MAPDA: variants seen among roughly 807,000 people sequenced by gnomAD.
The protein encoded by MAPDA is N6,N6-dimethyl-AMP deaminase.
chr15:43,331,345 A>T, the MAPDA span, among the ~76,000 whole-genome samples: 1 of 152,260 alleles, frequency 6.6e-6, no homozygotes, highest in African/African-American at 2.4e-5. Flanking sequence ...GAGTAAATCC[A>T]GGTTAGACTT....
At chr15:43,330,359 C>A in the MAPDA span, 1 of 1,604,350 alleles carries the variant, frequency 6.2e-7, no homozygotes, top group Non-Finnish European at 8.5e-7. Context: ...GCGCGCCGCG[C>A]CCGGAACCAG....
the MAPDA span, among the ~76,000 whole-genome samples, chr15:43,345,369 A>AAAAAAAAAAG: frequency 2.1e-5 from 3 of 145,024 alleles, no homozygotes; most frequent in Admixed American, 6.9e-5. Context: ...AAAAAAAAAA[A>AAAAAAAAAAG]AAATAGGACA....
chr15:43,350,635 C>T, the MAPDA span, among the ~76,000 whole-genome samples: 19 of 152,234 alleles, frequency 1.2e-4, no homozygotes, highest in African/African-American at 4.6e-4. Context: ...TAATTCTCTG[C>T]TTTTTTCATC....
chr15:43,335,145 A>G, the MAPDA span: 2 of 1,613,992 alleles, frequency 1.2e-6, no homozygotes, highest in African/African-American at 2.7e-5. Flanking sequence ...TGCAAGACAG[A>G]CTTCTATTCT....
the MAPDA span, among the ~76,000 whole-genome samples, chr15:43,345,245 TC>T: frequency 1.3e-5 from 2 of 151,198 alleles, no homozygotes; most frequent in African/African-American, 4.9e-5. Flanking sequence ...CCCCAGCTAC[TC>T]GGGTGACTGA....
At chr15:43,339,956 A>G in the MAPDA span, among the ~76,000 whole-genome samples, 3 of 152,172 alleles carry the variant, frequency 2.0e-5, no homozygotes, top group Non-Finnish European at 4.4e-5. Context: ...TCTCTATTTT[A>G]TCAATCTGCT....
the MAPDA span, chr15:43,330,686 G>C: frequency 1.9e-6 from 1 of 526,610 alleles, no homozygotes; most frequent in Non-Finnish European, 3.2e-6. Flanking sequence ...CCAGTGCTAA[G>C]TTCGCTTGCG....
the MAPDA span, among the ~76,000 whole-genome samples, chr15:43,350,668 A>G: frequency 2.6e-5 from 4 of 152,058 alleles, no homozygotes; most frequent in Non-Finnish European, 5.9e-5. Flanking sequence ...TTTCCTCTCT[A>G]TTTTGGTCAA....
the MAPDA span, chr15:43,331,951 G>A: frequency 6.6e-6 from 1 of 152,252 alleles, no homozygotes; most frequent in South Asian, 2.1e-4. Flanking sequence ...AAACCAGCTA[G>A]TGGAGAGGGA....
At chr15:43,337,505 T>C in the MAPDA span, among the ~76,000 whole-genome samples, 3 of 152,174 alleles carry the variant, frequency 2.0e-5, no homozygotes, top group African/African-American at 7.2e-5. Context: ...TCCATGATAC[T>C]AGAGTCTGAC....
the MAPDA span, among the ~76,000 whole-genome samples, chr15:43,345,179 T>C: frequency 0.28 from 42,217 of 151,526 alleles, 9,705 homozygotes; most frequent in African/African-American, 0.63. Context: ...ACGGTGAAAC[T>C]CCGTCTCTAC....
the MAPDA span, among the ~76,000 whole-genome samples, chr15:43,347,995 C>G: frequency 6.6e-6 from 1 of 152,168 alleles, no homozygotes; most frequent in South Asian, 2.1e-4. Flanking sequence ...AACCATTGGT[C>G]ATTATAAGGG....
At chr15:43,335,635 C>A in the MAPDA span, 1 of 1,509,498 alleles carries the variant, frequency 6.6e-7, no homozygotes. Context: ...ACATTAAGTA[C>A]TTGGTAAGAT....
the MAPDA span, among the ~76,000 whole-genome samples, chr15:43,334,633 T>TTTTATATATATATATATATATA: frequency 4.6e-5 from 3 of 65,172 alleles, no homozygotes; most frequent in Non-Finnish European, 1.4e-4. Flanking sequence ...CTCAAAAAAA[T>TTTTATATATATATATATATATA]TATATATATA....
At chr15:43,335,790 C>T in the MAPDA span, 1 of 1,613,818 alleles carries the variant, frequency 6.2e-7, no homozygotes. Context: ...GATCAGATGA[C>T]TGTGATTGAC....
the MAPDA span, chr15:43,335,310 G>A: frequency 1.3e-6 from 1 of 782,698 alleles, no homozygotes; most frequent in Admixed American, 2.5e-5. Flanking sequence ...CAAGGCGGGT[G>A]GATTCACCTG....
At chr15:43,336,637 T>G in the MAPDA span, 1 of 1,576,220 alleles carries the variant, frequency 6.3e-7, no homozygotes, top group Non-Finnish European at 8.6e-7. Flanking sequence ...TGTTTCCAGA[T>G]GTTTCAAACT....
chr15:43,351,394 C>T, the MAPDA span: 1 of 318,920 alleles, frequency 3.1e-6, no homozygotes, highest in Non-Finnish European at 5.7e-6. Flanking sequence ...TCTGGTTTGG[C>T]TCTCTAGCAA....
chr15:43,335,866 C>G, the MAPDA span: 1 of 1,585,710 alleles, frequency 6.3e-7, no homozygotes, highest in South Asian at 1.2e-5. Context: ...CTTTTTTTCT[C>G]TATCAGTATT....
Sources: gnomAD v4.1 joint callset for allele counts (sites outside exome capture counted in the v4.1 genomes callset) on GRCh38, gnomAD v4.1.1 for gene constraint, MANE v1.5 for transcripts, NCBI Gene and HGNC (gene_info 2026-07-23, HGNC 2026-07-21) for gene names.